Variants in NXF3 observed in about 807,000 individuals in gnomAD.
The protein encoded by NXF3 is TAP-like protein 3.
In NXF3, 34 loss-of-function variants were observed where a neutral mutation model predicts 48.4. That is an observed-to-expected ratio of 0.70 (90% CI 0.53 to 0.93). NXF3 has a LOEUF of 0.93. NXF3 is among the 40% of genes least tolerant of loss of function. NXF3 has a pLI of 0.00. For missense variants in NXF3, 359 were observed against 406.1 expected, an observed-to-expected ratio of 0.88 and a Z score of 1.00; for synonymous variants, 132 against 145.7, an observed-to-expected ratio of 0.91 and a Z score of 0.68.
intron 1 of NXF3, among the ~76,000 whole-genome samples, chrX:103,085,764 G>A (rs758625915): frequency 3.4e-4 from 37 of 109,103 alleles, no homozygotes; most frequent in Middle Eastern, 4.7e-3. Flanking sequence ...TTAGCCGGGC[G>A]TGATGGCGGG....
intron 1 of NXF3, chrX:103,088,813 T>C (rs992168063): frequency 6.1e-6 from 7 of 1,146,655 alleles, no homozygotes; most frequent in African/African-American, 5.4e-5. Context: ...CTTTGCCAAG[T>C]AGAATTTGGA....
intron 1 of NXF3, chrX:103,088,698 G>T: frequency 1.0e-6 from 1 of 973,403 alleles, no homozygotes; most frequent in South Asian, 2.3e-5. Context: ...GTTCATACTG[G>T]ACAGAGGCCT....
chrX:103,087,191 A>C lies in NXF3; in HGVS notation c.29-2308T>G, dbSNP rs1449421319. 4 of 700,454 alleles carry C rather than the reference A, an allele frequency of 5.7e-6. No homozygotes were observed. In the African/African-American group the frequency reaches 8.5e-5, roughly 15 times the overall value. The allele number at this position is 700,454 out of a possible 1,213,427, so 57.7% of individuals were successfully genotyped here. A position where few individuals can be genotyped will look rare whatever the true frequency, so the allele number is the denominator to read the frequency against. Reference sequence around the variant, plus strand: ...GGAGCTCATCAGACTACATCACTGAAGAATATGATGCCTGAAAACTATTTA... The same window carrying C: ...GGAGCTCATCAGACTACATCACTGACGAATATGATGCCTGAAAACTATTTA... On this transcript the variant is annotated intron_variant, in intron 1 of 19. Coordinates refer to ENST00000395065, the MANE Select transcript of NXF3 (RefSeq NM_022052.2).
intron 1 of NXF3, 97 bp downstream of exon 1, chrX:103,092,899 G>T: frequency 1.2e-6 from 1 of 864,777 alleles, no homozygotes. Flanking sequence ...AGGGAGATTG[G>T]CTGGGTGTTA....
chrX:103,082,973 A>G, intron 7 of NXF3, 31 bp downstream of exon 7: 1 of 1,186,153 alleles, frequency 8.4e-7, no homozygotes, highest in Non-Finnish European at 1.1e-6. Context: ...CTCTGCCCTC[A>G]TCTACCATAG....
chrX:103,087,300 CT>C (rs1922179690), intron 1 of NXF3: 4 of 1,195,635 alleles, frequency 3.3e-6, no homozygotes, highest in Non-Finnish European at 4.5e-6. Context: ...GCTTCAAGCA[CT>C]TTGAAACACC....
intron 17 of NXF3, 33 bp from the exon 18 acceptor site, chrX:103,077,779 GAGA>G (rs745335612): frequency 1.6e-5 from 19 of 1,201,231 alleles, no homozygotes; most frequent in South Asian, 1.4e-4. Context: ...GGTAGCCGGA[GAGA>G]AGGACACCTC....
Position 103,084,534 on chromosome X carries a change from C to T in NXF3, c.198-39G>A, listed in dbSNP as rs371676593. The stretch of plus-strand genomic sequence containing the variant: ...GAGAAAAGGTAGTTCACATATGCTC[C>T]GAAAGTATTTTATACACATTTGATC... On this transcript the variant is annotated intron_variant, in intron 2 of 19. Transcript: ENST00000395065. The T allele has an allele frequency of 4.4e-5, 52 of 1,195,117 alleles. No individual in the cohort carries two copies. In the South Asian group the frequency reaches 6.3e-4, roughly 14 times the overall value.
At position 103,077,751 on chromosome X, in the gene NXF3, A is replaced by T; in HGVS notation, c.1452-5T>A. On this transcript the variant is annotated splice_region_variant and splice_polypyrimidine_tract_variant and intron_variant, in intron 17 of 19. Transcript: ENST00000395065. ...TTGTCATTCACGATGCACAGACTGG[A>T]GGAAAAATGGGCCATCAGGTAGCCG... 2.5e-6 allele frequency: 3 copies of T among 1,210,068 alleles called. No homozygotes were observed. In the South Asian group the frequency reaches 5.3e-5, roughly 21 times the overall value.
At position 103,092,993 on chromosome X, in the gene NXF3, C is replaced by G; in HGVS notation, c.28+3G>C. ...GACTCCAGCCTCATGCTGGCCAACT[C>G]ACCCGTAGTGTGTCCTGAAGGCAGT... is the stretch of plus-strand genomic sequence containing the variant. On this transcript the variant is annotated splice_donor_region_variant and intron_variant, in intron 1 of 19. Transcript: ENST00000395065. 1 of 1,209,759 alleles carries G rather than the reference C, an allele frequency of 8.3e-7. No homozygotes were observed. Among genetic ancestry groups the G allele is most frequent in the Non-Finnish European group, 1.1e-6 (1 of 893,923 alleles).
At chrX:103,077,504 G>C in intron 18 of NXF3, 110 bp downstream of exon 18, 1 of 888,262 alleles carries the variant, frequency 1.1e-6, no homozygotes, top group East Asian at 3.5e-5. Flanking sequence ...CGCCCGCCTC[G>C]GCCTCCCAAA....
intron 1 of NXF3, among the ~76,000 whole-genome samples, chrX:103,091,841 C>CA (rs1922284235): frequency 9.2e-6 from 1 of 108,707 alleles, no homozygotes; most frequent in Non-Finnish European, 1.9e-5. Flanking sequence ...AAAAATTAGC[C>CA]AGGCATGGTG....
At chrX:103,081,965 G>T (rs1299206834) in intron 9 of NXF3, 1 of 316,263 alleles carries the variant, frequency 3.2e-6, no homozygotes, top group Non-Finnish European at 5.6e-6. Flanking sequence ...TGGTCCTGGG[G>T]AAGTGGGGGA....
chrX:103,084,998 T>A, intron 1 of NXF3, 115 bp from the exon 2 acceptor site: 1 of 714,951 alleles, frequency 1.4e-6, no homozygotes, highest in Non-Finnish European at 2.1e-6. Context: ...AGGATCTGGC[T>A]CTACTGCCCA....
chrX:103,085,920 A>AAAG (rs1555972116), intron 1 of NXF3, among the ~76,000 whole-genome samples: 3 of 103,793 alleles, frequency 2.9e-5, no homozygotes, highest in African/African-American at 1.1e-4. Flanking sequence ...AAAAAAAAAA[A>AAAG]AAAGAAAGAA....
chrX:103,089,209 A>G, intron 1 of NXF3: 1 of 646,567 alleles, frequency 1.5e-6, no homozygotes, highest in East Asian at 3.3e-5. Context: ...CCTCACTGGA[A>G]GAGACATCAA....
intron 9 of NXF3, chrX:103,081,991 G>A (rs1371390512): frequency 5.8e-6 from 2 of 343,988 alleles, no homozygotes; most frequent in Non-Finnish European, 1.0e-5. Flanking sequence ...GCTTCCTGGA[G>A]CACACTCACA....
chrX:103,089,573 ATAAT>A (rs1922229350), intron 1 of NXF3, among the ~76,000 whole-genome samples: 1 of 112,436 alleles, frequency 8.9e-6, no homozygotes, highest in Non-Finnish European at 1.9e-5. Flanking sequence ...TGCTGTATAA[ATAAT>A]TTAGTCTCAT....
At chrX:103,078,318 G>T (rs970894267) in intron 17 of NXF3, among the ~76,000 whole-genome samples, 1 of 111,698 alleles carries the variant, frequency 9.0e-6, no homozygotes, top group Non-Finnish European at 1.9e-5. Flanking sequence ...TAGAGACAGG[G>T]TCTCACTGTG....
Sources: gnomAD v4.1 joint callset for allele counts (sites outside exome capture counted in the v4.1 genomes callset) on GRCh38, gnomAD v4.1.1 for gene constraint, MANE v1.5 for transcripts, NCBI Gene and HGNC (gene_info 2026-07-23, HGNC 2026-07-21) for gene names.